The following TACR1 variants were observed in gnomAD, a reference collection of about 807,000 sequenced individuals.
TACR1 encodes tachykinin receptor 1.
In TACR1, 25 loss-of-function variants were observed where a neutral mutation model predicts 35.8. The ratio of observed to expected loss-of-function variants is 0.70; its 90% CI spans 0.51 to 0.98. The LOEUF (loss-of-function observed/expected upper bound fraction) is 0.98. Among genes scored for constraint, TACR1 ranks in the 50% least tolerant of loss-of-function variants. The pLI is 0.00. For missense variants in TACR1, 478 were observed against 522.9 expected (o/e 0.91, Z 0.84); for synonymous variants, 195 against 206.7 (o/e 0.94, Z 0.48).
chr2:75,172,472 T>TC (rs1675312235), intron 1 of TACR1, among the ~76,000 whole-genome samples: 1 of 152,064 alleles, frequency 6.6e-6, no homozygotes. Flanking sequence ...TTTCGGGCTG[T>TC]CCCCCGTCTA....
chr2:75,177,150 C>T (rs1675440653), intron 1 of TACR1, among the ~76,000 whole-genome samples: 1 of 151,806 alleles, frequency 6.6e-6, no homozygotes, highest in Non-Finnish European at 1.5e-5. Context: ...CTGTCTTTCT[C>T]TTTCAGACCC....
intron 2 of TACR1, among the ~76,000 whole-genome samples, chr2:75,093,370 A>G (rs1673345538): frequency 6.6e-6 from 1 of 152,214 alleles, no homozygotes; most frequent in Non-Finnish European, 1.5e-5. Flanking sequence ...CTTGTCAGTG[A>G]CAGCTGTAAG....
At chr2:75,157,837 G>T (rs1430056830) in intron 1 of TACR1, among the ~76,000 whole-genome samples, 1 of 152,206 alleles carries the variant, frequency 6.6e-6, no homozygotes, top group Non-Finnish European at 1.5e-5. Flanking sequence ...AAAATCTTCT[G>T]ATTATTGAAA....
intron 2 of TACR1, among the ~76,000 whole-genome samples, chr2:75,072,656 C>A (rs189439973): frequency 1.1e-4 from 17 of 152,316 alleles, no homozygotes; most frequent in African/African-American, 3.4e-4. Flanking sequence ...CTCTGATAGC[C>A]TGAAGGGCAT....
At chr2:75,063,554 A>G (rs1281070775) in intron 2 of TACR1, among the ~76,000 whole-genome samples, 1 of 152,182 alleles carries the variant, frequency 6.6e-6, no homozygotes, top group Admixed American at 6.5e-5. Context: ...TGGATACTCT[A>G]TCCTTTTCCT....
chr2:75,089,917 A>G (rs1050539785), intron 2 of TACR1, among the ~76,000 whole-genome samples: 4 of 152,228 alleles, frequency 2.6e-5, no homozygotes, highest in Non-Finnish European at 4.4e-5. Flanking sequence ...AGCACCACCT[A>G]GACTAAAATA....
intron 1 of TACR1, among the ~76,000 whole-genome samples, chr2:75,179,553 G>A (rs958627487): frequency 6.6e-6 from 1 of 152,192 alleles, no homozygotes; most frequent in African/African-American, 2.4e-5. Flanking sequence ...TGGTGGTAGA[G>A]AATTTTAATG....
At chr2:75,182,146 G>A (rs1224439569) in intron 1 of TACR1, among the ~76,000 whole-genome samples, 1 of 152,218 alleles carries the variant, frequency 6.6e-6, no homozygotes, top group Non-Finnish European at 1.5e-5. Context: ...CCTCTCGCCT[G>A]TGTTTCAGAC....
intron 1 of TACR1, among the ~76,000 whole-genome samples, chr2:75,135,276 T>G (rs1674256206): frequency 1.3e-5 from 2 of 152,244 alleles, no homozygotes; most frequent in South Asian, 4.1e-4. Context: ...CTCAGTTTTC[T>G]CCTTCTGAAA....
Position 75,134,837 on chromosome 2 carries a change from T to G in TACR1, c.390-14069A>C, listed in dbSNP as rs562580426. Among the ~76,000 whole-genome samples the G allele has an allele frequency of 8.5e-5, 13 of 152,304 alleles. No homozygotes were observed. In the South Asian group the frequency reaches 2.7e-3, roughly 32 times the overall value. On this transcript the variant is annotated intron_variant, in intron 1 of 4. Coordinates refer to ENST00000305249, the MANE Select transcript of TACR1 (RefSeq NM_001058.4). ...AACTTAACGATCCCTTTCTTCTTTC[T>G]ATTAAGCAGGCAGAGATGTTGACTC... is the stretch of plus-strand genomic sequence containing the variant.
rs1675102712 is a variant in TACR1, at chr2:75,164,905, G to C, written c.389+33641C>G. The stretch of plus-strand genomic sequence containing the variant: ...AATTAGTTATAAGAAGCCATAGATA[G>C]AGCAAAGTCAAGGCATGAAGTTGGA... On this transcript the variant is annotated intron_variant, in intron 1 of 4. Coordinates refer to ENST00000305249, the MANE Select transcript of TACR1 (RefSeq NM_001058.4). 2.0e-5 allele frequency among the ~76,000 whole-genome samples: 3 copies of C among 152,198 alleles called. No homozygotes were observed. In the South Asian group the frequency reaches 6.2e-4, roughly 32 times the overall value.
At chr2:75,115,451 C>T (rs1673833336) in intron 2 of TACR1, among the ~76,000 whole-genome samples, 1 of 152,024 alleles carries the variant, frequency 6.6e-6, no homozygotes, top group Non-Finnish European at 1.5e-5. Context: ...ATGATATAGT[C>T]TATTTTTGAG....
Position 75,161,754 on chromosome 2 carries a change from G to A in TACR1, c.389+36792C>T, listed in dbSNP as rs190808206. ...AATGGTTAAAACACTTTTATGAAAC[G>A]AAAATGACTCTAAAAGGTCAGAAGC... On this transcript the variant is annotated intron_variant, in intron 1 of 4. Coordinates refer to ENST00000305249, the MANE Select transcript of TACR1 (RefSeq NM_001058.4). 2.4e-3 allele frequency among the ~76,000 whole-genome samples: 363 copies of A among 152,064 alleles called. 1 individual carries two copies. The highest frequency in any genetic ancestry group is 7.1e-3 in the African/African-American group (293 of 41,528).
At chr2:75,172,097 A>T (rs1020880858) in intron 1 of TACR1, among the ~76,000 whole-genome samples, 3 of 152,354 alleles carry the variant, frequency 2.0e-5, no homozygotes, top group African/African-American at 7.2e-5. Flanking sequence ...GTGCTAAATT[A>T]TTGAAAATAA....
chr2:75,141,576 A>G (rs1427200084), intron 1 of TACR1, among the ~76,000 whole-genome samples: 1 of 151,928 alleles, frequency 6.6e-6, no homozygotes, highest in African/African-American at 2.4e-5. Flanking sequence ...GTACTAGGAA[A>G]GAACTAGGAA....
intron 1 of TACR1, among the ~76,000 whole-genome samples, chr2:75,132,621 G>A (rs539637800): frequency 5.3e-5 from 8 of 152,068 alleles, no homozygotes; most frequent in Non-Finnish European, 7.4e-5. Flanking sequence ...CTCACTCATG[G>A]TGACCTCTTC....
intron 2 of TACR1, among the ~76,000 whole-genome samples, chr2:75,067,410 A>G (rs1265829832): frequency 1.3e-5 from 2 of 150,646 alleles, no homozygotes; most frequent in African/African-American, 2.4e-5. Flanking sequence ...GCTAGGCCCC[A>G]TGGGTTCAGC....
chr2:75,119,359 G>T (rs1372017203), intron 2 of TACR1, among the ~76,000 whole-genome samples: 1 of 152,040 alleles, frequency 6.6e-6, no homozygotes, highest in Non-Finnish European at 1.5e-5. Context: ...CCTTGCCCAG[G>T]GTCATATGGC....
At chr2:75,059,454 T>C (rs1672628496) in intron 2 of TACR1, among the ~76,000 whole-genome samples, 1 of 152,202 alleles carries the variant, frequency 6.6e-6, no homozygotes, top group Non-Finnish European at 1.5e-5. Flanking sequence ...AAAATTCCAA[T>C]GTGTAGATCC....
Sources: allele counts gnomAD v4.1 joint callset (sites outside exome capture counted in the v4.1 genomes callset), GRCh38; gene constraint gnomAD v4.1.1; transcripts MANE v1.5; gene names NCBI Gene and HGNC (gene_info 2026-07-23, HGNC 2026-07-21).